CFAP263: variants seen among roughly 807,000 people sequenced by gnomAD.
CFAP263 encodes the protein cilia and flagella associated protein 263, also known as cilia- and flagella-associated protein 263.
At chr16:58,276,538 C>G in the CFAP263 span, among the ~76,000 whole-genome samples, 1 of 152,320 alleles carries the variant, frequency 6.6e-6, no homozygotes, top group East Asian at 1.9e-4. Context: ...TAGATGCCAG[C>G]AGCACCCCTC....
chr16:58,279,558 A>G, the CFAP263 span: 1 of 689,702 alleles, frequency 1.4e-6, no homozygotes, highest in Non-Finnish European at 2.4e-6. Context: ...GCTGCCCCAC[A>G]CAGGGTTGCC....
At chr16:58,266,154 T>G in the CFAP263 span, among the ~76,000 whole-genome samples, 29 of 151,852 alleles carry the variant, frequency 1.9e-4, 3 homozygotes, top group South Asian at 5.8e-3. Flanking sequence ...GTGCCAGAAG[T>G]TCCCCCAGGC....
At chr16:58,278,240 A>G in the CFAP263 span, among the ~76,000 whole-genome samples, 1 of 149,680 alleles carries the variant, frequency 6.7e-6, no homozygotes, top group African/African-American at 2.4e-5. Context: ...GGAAGGAGGG[A>G]AGAAAAGGAA....
chr16:58,272,172 C>T, the CFAP263 span, among the ~76,000 whole-genome samples: 5 of 152,064 alleles, frequency 3.3e-5, no homozygotes, highest in African/African-American at 7.2e-5. Flanking sequence ...CCCGCCACCA[C>T]GCCCGGCTAA....
At chr16:58,267,577 AG>A in the CFAP263 span, 1 of 1,604,366 alleles carries the variant, frequency 6.2e-7, no homozygotes, top group South Asian at 1.1e-5. Context: ...AAACACTACA[AG>A]TAGAGGAGGT....
At chr16:58,253,876 G>T in the CFAP263 span, 2 of 982,030 alleles carry the variant, frequency 2.0e-6, no homozygotes, top group Non-Finnish European at 3.1e-6. Flanking sequence ...CCATGAATTT[G>T]TTCTCCCTGG....
At chr16:58,278,861 G>T in the CFAP263 span, among the ~76,000 whole-genome samples, 2 of 152,152 alleles carry the variant, frequency 1.3e-5, no homozygotes, top group African/African-American at 4.8e-5. Flanking sequence ...TTTTCAGGGA[G>T]AAACTCTGTA....
At chr16:58,279,608 A>T in the CFAP263 span, 6 of 1,147,308 alleles carry the variant, frequency 5.2e-6, no homozygotes, top group South Asian at 9.2e-5. Context: ...CATTCTCAGT[A>T]GCCACAATCA....
At chr16:58,264,947 A>G in the CFAP263 span, among the ~76,000 whole-genome samples, 1 of 152,236 alleles carries the variant, frequency 6.6e-6, no homozygotes, top group East Asian at 1.9e-4. Flanking sequence ...AGACAGCACC[A>G]GGCAGAAATG....
the CFAP263 span, among the ~76,000 whole-genome samples, chr16:58,269,715 A>T: frequency 1.3e-5 from 2 of 152,158 alleles, no homozygotes; most frequent in African/African-American, 4.8e-5. Context: ...CATTTTATTT[A>T]TCCATTCATC....
At chr16:58,269,723 A>C in the CFAP263 span, among the ~76,000 whole-genome samples, 5 of 152,198 alleles carry the variant, frequency 3.3e-5, no homozygotes, top group African/African-American at 1.2e-4. Context: ...TTATCCATTC[A>C]TCAGTTGGTG....
chr16:58,277,415 C>T, the CFAP263 span, among the ~76,000 whole-genome samples: 1 of 152,214 alleles, frequency 6.6e-6, no homozygotes, highest in South Asian at 2.1e-4. Context: ...AGGCGTGAGC[C>T]ACTCTCCCCA....
At chr16:58,273,954 C>T in the CFAP263 span, among the ~76,000 whole-genome samples, 1 of 152,182 alleles carries the variant, frequency 6.6e-6, no homozygotes, top group Admixed American at 6.5e-5. Context: ...TACAATTGCC[C>T]TGACGACCAG....
the CFAP263 span, chr16:58,258,370 G>A: frequency 5.6e-6 from 9 of 1,613,702 alleles, no homozygotes; most frequent in African/African-American, 1.3e-5. Flanking sequence ...TCCCCCAGGC[G>A]ATCATTGAGG....
chr16:58,263,055 C>T, the CFAP263 span, among the ~76,000 whole-genome samples: 1 of 152,156 alleles, frequency 6.6e-6, no homozygotes, highest in Non-Finnish European at 1.5e-5. Context: ...ATCATCCAAA[C>T]AGAACCCTTT....
chr16:58,272,606 C>T, the CFAP263 span, among the ~76,000 whole-genome samples: 5 of 152,170 alleles, frequency 3.3e-5, no homozygotes, highest in South Asian at 2.1e-4. Flanking sequence ...GCATTATAAT[C>T]TTATGGGACC....
the CFAP263 span, among the ~76,000 whole-genome samples, chr16:58,275,212 TACCTGGG>T: frequency 6.6e-6 from 1 of 152,182 alleles, no homozygotes; most frequent in Admixed American, 6.5e-5. Flanking sequence ...GCAAACCAAT[TACCTGGG>T]GATCATGTTA....
the CFAP263 span, chr16:58,280,276 TC>T: frequency 6.2e-7 from 1 of 1,613,980 alleles, no homozygotes; most frequent in Non-Finnish European, 8.5e-7. Context: ...GATGATTTCT[TC>T]GGGCTGATAC....
the CFAP263 span, among the ~76,000 whole-genome samples, chr16:58,278,080 TTA>T: frequency 6.6e-6 from 1 of 152,130 alleles, no homozygotes; most frequent in Admixed American, 6.5e-5. Flanking sequence ...ATGATAAATT[TTA>T]TGTTATATAT....
Sources: allele counts gnomAD v4.1 joint callset (sites outside exome capture counted in the v4.1 genomes callset), GRCh38; gene constraint gnomAD v4.1.1; transcripts MANE v1.5; gene names NCBI Gene and HGNC (gene_info 2026-07-23, HGNC 2026-07-21).